The following PGS1 variants were observed in gnomAD, a reference collection of about 807,000 sequenced individuals.
PGS1 encodes the protein phosphatidylglycerophosphate synthase 1.
PGS1 carries 44 observed loss-of-function variants against 58.3 expected under a neutral mutation model. That is an observed-to-expected ratio of 0.75 (90% CI 0.59 to 0.97). The LOEUF is 0.97. Among genes scored for constraint, PGS1 ranks in the 50% least tolerant of loss-of-function variants. The pLI, the probability that PGS1 is intolerant of heterozygous loss-of-function variation, is 0.00. For synonymous variants in PGS1, 330 were observed against 311.0 expected, an observed-to-expected ratio of 1.06 and a Z score of -0.64; for missense variants, 684 against 731.1, an observed-to-expected ratio of 0.94 and a Z score of 0.74.
chr17:78,422,375 C>T (rs372161951), intron 9 of PGS1, among the ~76,000 whole-genome samples: 133 of 150,776 alleles, frequency 8.8e-4, no homozygotes, highest in African/African-American at 2.9e-3. Context: ...AATCATTACC[C>T]TCAGAATTTG....
At chr17:78,398,653 A>G (rs1362832276) in intron 4 of PGS1, among the ~76,000 whole-genome samples, 1 of 152,256 alleles carries the variant, frequency 6.6e-6, no homozygotes, top group Non-Finnish European at 1.5e-5. Flanking sequence ...CCTGGGCAAC[A>G]TAGCCAGACT....
intron 7 of PGS1, among the ~76,000 whole-genome samples, chr17:78,405,150 A>G (rs1363288662): frequency 6.7e-6 from 1 of 149,590 alleles, no homozygotes; most frequent in Middle Eastern, 3.6e-3. Flanking sequence ...GGCATGCACC[A>G]TTACGCCTGG....
At position 78,400,952 on chromosome 17, in the gene PGS1, G is replaced by A; in HGVS notation, c.880+97G>A. On this transcript the variant is annotated intron_variant, in intron 6 of 9. Coordinates refer to ENST00000262764, the MANE Select transcript of PGS1 (RefSeq NM_024419.5). This position sits in a 1 kb window ranked among gnomAD's most constrained non-coding sequence, Gnocchi z 4.4. ...TAGGTGGTTCTGCCACAGGCATAGG[G>A]GACTTGGGTGGCAAGGCTTCATTCT... The A allele has an allele frequency of 9.7e-7, 1 of 1,033,790 alleles. No homozygotes were observed. Among genetic ancestry groups the A allele is most frequent in the Non-Finnish European group, 1.4e-6 (1 of 725,354 alleles). 64.0% of individuals were successfully genotyped at this position (1,033,790 alleles called of 1,614,324 possible).
At chr17:78,387,641 C>G (rs535655701) in intron 1 of PGS1, among the ~76,000 whole-genome samples, 70 of 150,482 alleles carry the variant, frequency 4.7e-4, no homozygotes, top group African/African-American at 1.6e-3. Flanking sequence ...GCTCTGTCGC[C>G]CAGGCTGGAG....
At chr17:78,388,005 T>G (rs2082536281) in intron 1 of PGS1, among the ~76,000 whole-genome samples, 1 of 152,236 alleles carries the variant, frequency 6.6e-6, no homozygotes, top group Non-Finnish European at 1.5e-5. Flanking sequence ...CACCTTCCTT[T>G]TTTGGGTATT....
chr17:78,381,710 G>T (rs2082047382), intron 1 of PGS1, among the ~76,000 whole-genome samples: 1 of 152,156 alleles, frequency 6.6e-6, no homozygotes, highest in Non-Finnish European at 1.5e-5. Context: ...CTGTTGGAGG[G>T]CCAGTGAACC....
chr17:78,385,521 C>T (rs551773967), intron 1 of PGS1, among the ~76,000 whole-genome samples: 13 of 152,204 alleles, frequency 8.5e-5, no homozygotes, highest in Non-Finnish European at 1.9e-4. Flanking sequence ...GATCTCCTGA[C>T]GTCGTGATCC....
intron 9 of PGS1, chr17:78,421,718 T>G (rs1406838889): frequency 6.6e-6 from 1 of 152,096 alleles, no homozygotes; most frequent in African/African-American, 2.4e-5. Flanking sequence ...GGGACCAGAG[T>G]AAATATCATT....
chr17:78,397,592 C>CG (rs954424902), intron 3 of PGS1, among the ~76,000 whole-genome samples: 2 of 130,290 alleles, frequency 1.5e-5, no homozygotes, highest in Non-Finnish European at 1.8e-5. Context: ...ATGCGCCACC[C>CG]CCCCAGCTAA....
At chr17:78,395,846 C>T (rs565036902) in intron 2 of PGS1, among the ~76,000 whole-genome samples, 1 of 152,222 alleles carries the variant, frequency 6.6e-6, no homozygotes, top group Non-Finnish European at 1.5e-5. Context: ...TCAAGTGACT[C>T]TTCTGCCTCA....
chr17:78,394,552 C>G (rs1266348962), intron 2 of PGS1, among the ~76,000 whole-genome samples: 12 of 151,788 alleles, frequency 7.9e-5, no homozygotes, highest in Admixed American at 5.9e-4. Flanking sequence ...TTTTTCTTTT[C>G]TTTTCTTTTC....
chr17:78,407,094 G>A (rs1166133048), intron 7 of PGS1, among the ~76,000 whole-genome samples: 1 of 152,166 alleles, frequency 6.6e-6, no homozygotes, highest in Non-Finnish European at 1.5e-5. Flanking sequence ...GGGGTGCCCT[G>A]CAACCCAGGA....
intron 8 of PGS1, among the ~76,000 whole-genome samples, chr17:78,418,221 C>T (rs556389109): frequency 9.2e-5 from 14 of 152,170 alleles, no homozygotes; most frequent in African/African-American, 2.2e-4. Context: ...TGAGCCACCG[C>T]GCCCGGCCGC....
chr17:78,402,285 C>T (rs961637667), intron 6 of PGS1, among the ~76,000 whole-genome samples: 1 of 152,236 alleles, frequency 6.6e-6, no homozygotes, highest in African/African-American at 2.4e-5. Context: ...TTTCACTTCC[C>T]TGATCAGCCT....
chr17:78,379,405 A>G (rs2081872419), intron 1 of PGS1, among the ~76,000 whole-genome samples: 1 of 152,224 alleles, frequency 6.6e-6, no homozygotes, highest in Non-Finnish European at 1.5e-5. Context: ...GTGTTCTGGA[A>G]AAGTACTGAA....
At chr17:78,393,452 G>A (rs982153724) in intron 2 of PGS1, among the ~76,000 whole-genome samples, 1 of 152,214 alleles carries the variant, frequency 6.6e-6, no homozygotes, top group Non-Finnish European at 1.5e-5. Context: ...CTGAGGACCC[G>A]TGGGTCACAT....
At chr17:78,385,930 G>A (rs1272992669) in intron 1 of PGS1, among the ~76,000 whole-genome samples, 1 of 152,176 alleles carries the variant, frequency 6.6e-6, no homozygotes, top group Non-Finnish European at 1.5e-5. Context: ...CTCAGTCCTG[G>A]CTCGCCGCTT....
At chr17:78,399,046 CGAGTGGGTGGGGTAGTGCCCCAG>C (rs1239804528) in intron 4 of PGS1, among the ~76,000 whole-genome samples, 2 of 152,172 alleles carry the variant, frequency 1.3e-5, no homozygotes, top group Non-Finnish European at 2.9e-5. Context: ...AGAAATGCTG[CGAGTGGGTGGGGTAGTGCCCCAG>C]GAGAAGGTTG....
chr17:78,421,180 A>C (rs1374348026), intron 9 of PGS1: 4 of 152,224 alleles, frequency 2.6e-5, no homozygotes, highest in Non-Finnish European at 5.9e-5. Context: ...TTATAAAGCC[A>C]GCTCTCCATA....
Sources: allele counts gnomAD v4.1 joint callset (sites outside exome capture counted in the v4.1 genomes callset), GRCh38; gene constraint gnomAD v4.1.1; non-coding constraint Gnocchi (gnomAD v3.1); transcripts MANE v1.5; gene names NCBI Gene and HGNC (gene_info 2026-07-23, HGNC 2026-07-21).